QRFPR: variants seen among roughly 807,000 people sequenced by gnomAD.
QRFPR encodes the protein pyroglutamylated RF-amide peptide receptor.
In QRFPR, 37 loss-of-function variants were observed where a neutral mutation model predicts 31.3. The ratio of observed to expected loss-of-function variants is 1.18; its 90% CI spans 0.91 to 1.56. The LOEUF is 1.56. Among genes scored for constraint, QRFPR ranks in the 40% most tolerant of loss-of-function variants. The pLI, the probability that QRFPR is intolerant of heterozygous loss-of-function variation, is 0.00. For synonymous variants in QRFPR, 197 were observed against 192.0 expected (o/e 1.03, Z -0.22); for missense variants, 542 against 532.5 (o/e 1.02, Z -0.18).
At chr4:121,336,529 G>A (rs1468067905) in intron 3 of QRFPR, among the ~76,000 whole-genome samples, 1 of 152,190 alleles carries the variant, frequency 6.6e-6, no homozygotes, top group Non-Finnish European at 1.5e-5. Context: ...ACTGGGAAAA[G>A]CATACTCAGC....
chr4:121,344,973 C>T (rs1365610707), intron 1 of QRFPR, among the ~76,000 whole-genome samples: 1 of 152,244 alleles, frequency 6.6e-6, no homozygotes, highest in African/African-American at 2.4e-5. Flanking sequence ...GGATATCCTT[C>T]TCTTTTTTCC....
chr4:121,366,372 C>T (rs1475145432), intron 1 of QRFPR, among the ~76,000 whole-genome samples: 1 of 149,874 alleles, frequency 6.7e-6, no homozygotes, highest in Non-Finnish European at 1.5e-5. Flanking sequence ...AATCTGTTTC[C>T]CTATTCTTTG....
intron 1 of QRFPR, 122 bp downstream of exon 1, chr4:121,380,186 G>GGAGAGAGAGAGAGAGGGAGA: frequency 8.5e-6 from 2 of 234,842 alleles, no homozygotes; most frequent in Non-Finnish European, 7.4e-6. Context: ...AGACGAGAGA[G>GGAGAGAGAGAGAGAGGGAGA]GAGAGAGAGA....
chr4:121,370,472 A>G (rs7678003), intron 1 of QRFPR: 88,820 of 487,380 alleles, frequency 0.18, 9,402 homozygotes, highest in Non-Finnish European at 0.24. Context: ...AATTAGCAAA[A>G]CTTCCCAGGA....
intron 2 of QRFPR, among the ~76,000 whole-genome samples, chr4:121,337,190 T>C (rs1247971609): frequency 6.6e-6 from 1 of 152,220 alleles, no homozygotes; most frequent in Non-Finnish European, 1.5e-5. Flanking sequence ...TCCATGCTCT[T>C]CACACCGCAG....
At chr4:121,376,941 C>A (rs1726365583) in intron 1 of QRFPR, among the ~76,000 whole-genome samples, 1 of 147,092 alleles carries the variant, frequency 6.8e-6, no homozygotes, top group Non-Finnish European at 1.5e-5. Flanking sequence ...CAGGTTTTGA[C>A]TCAATAGGTG....
chr4:121,340,626 A>G lies in QRFPR; in HGVS notation c.341-16T>C, dbSNP rs970500347. 6.2e-7 allele frequency: 1 copy of G among 1,607,784 alleles called. No homozygotes were observed. Among genetic ancestry groups the G allele is most frequent in the African/African-American group, 1.3e-5 (1 of 74,678 alleles). ...ATGAAAGCACCTGCAGTAAGGAAAT[A>G]GGACAAATCATACATCAAAACAAAA... On this transcript the variant is annotated splice_polypyrimidine_tract_variant and intron_variant, in intron 1 of 5. Transcript: ENST00000394427.
chr4:121,363,644 A>G (rs1175304777), intron 1 of QRFPR, among the ~76,000 whole-genome samples: 1 of 150,316 alleles, frequency 6.7e-6, no homozygotes, highest in East Asian at 2.0e-4. Flanking sequence ...TATATAGAAA[A>G]GCCATATGGT....
rs1726451294 is a variant in QRFPR at position 121,380,196 on chromosome 4, AG to A, written c.340+111del. 26 of 120,772 alleles carry A rather than the reference AG, an allele frequency of 2.2e-4. No homozygotes were observed. The South Asian group carries it at 3.1e-3, about 15-fold the overall frequency. The allele number at this position is 120,772 out of a possible 1,614,324, so 7.5% of individuals were successfully genotyped here. On this transcript the variant is annotated intron_variant, in intron 1 of 5. Coordinates refer to ENST00000394427, the MANE Select transcript of QRFPR (RefSeq NM_198179.3). ...CAGACAGACGAGAGAGGAGAGAGAGAGAGAGAGAGAGAGAGAGAGAGAGAGA... is the reference window on the plus strand; with the variant it reads ...CAGACAGACGAGAGAGGAGAGAGAGAAGAGAGAGAGAGAGAGAGAGAGAGA...
chr4:121,337,905 C>T (rs181448880), intron 2 of QRFPR, among the ~76,000 whole-genome samples: 7 of 152,262 alleles, frequency 4.6e-5, no homozygotes, highest in Non-Finnish European at 8.8e-5. Flanking sequence ...TGGAAGAGGA[C>T]GGAACCAAGG....
In QRFPR at chr4:121,329,184, T is replaced by A. The variant is rs1244997787; in HGVS notation, c.*130A>T. 5.4e-6 allele frequency: 4 copies of A among 738,060 alleles called. No individual in the cohort carries two copies. The highest frequency in any genetic ancestry group is 6.3e-6 in the Non-Finnish European group (3 of 474,656). The allele number at this position is 738,060 out of a possible 1,614,324, so 45.7% of individuals were successfully genotyped here. A position where few individuals can be genotyped will look rare whatever the true frequency, so the allele number is the denominator to read the frequency against. The stretch of plus-strand genomic sequence containing the variant: ...CTTGGACTAGCCTCGTGTCATTTTT[T>A]AATGGAAACATGATTTGTTTTCTTC... On this transcript the variant is annotated 3_prime_UTR_variant, in exon 6 of 6. Coordinates refer to ENST00000394427, the MANE Select transcript of QRFPR (RefSeq NM_198179.3).
At chr4:121,347,392 G>T (rs945485771) in intron 1 of QRFPR, among the ~76,000 whole-genome samples, 5 of 151,988 alleles carry the variant, frequency 3.3e-5, no homozygotes, top group African/African-American at 1.2e-4. Flanking sequence ...GATTTCAGAT[G>T]ATAGATATAG....
chr4:121,343,873 A>G (rs188067150), intron 1 of QRFPR, among the ~76,000 whole-genome samples: 1 of 152,272 alleles, frequency 6.6e-6, no homozygotes, highest in African/African-American at 2.4e-5. Context: ...AGCACAGGGT[A>G]TCTGTCAATT....
intron 1 of QRFPR, among the ~76,000 whole-genome samples, chr4:121,358,745 A>T (rs577896547): frequency 6.6e-6 from 1 of 152,282 alleles, no homozygotes; most frequent in South Asian, 2.1e-4. Context: ...TATTTATGAC[A>T]TAAGCTTGCC....
intron 1 of QRFPR, among the ~76,000 whole-genome samples, chr4:121,351,599 TTTA>T (rs1174940158): frequency 6.6e-6 from 1 of 152,076 alleles, no homozygotes; most frequent in African/African-American, 2.4e-5. Context: ...TTTCATTATG[TTTA>T]TAATGTTAAA....
chr4:121,365,619 TATTA>T, intron 1 of QRFPR, among the ~76,000 whole-genome samples: 1 of 11,250 alleles, frequency 8.9e-5, no homozygotes, highest in South Asian at 3.2e-3. Flanking sequence ...ATATTATATA[TATTA>T]TATATTATAT....
chr4:121,361,351 T>A (rs1725988373), intron 1 of QRFPR, among the ~76,000 whole-genome samples: 1 of 150,078 alleles, frequency 6.7e-6, no homozygotes, highest in African/African-American at 2.5e-5. Flanking sequence ...GAAGTTAAGC[T>A]TTACTAGCAT....
intron 1 of QRFPR, among the ~76,000 whole-genome samples, chr4:121,359,645 G>GTA (rs34785724): frequency 1.3e-5 from 2 of 150,768 alleles, no homozygotes; most frequent in Non-Finnish European, 3.0e-5. Context: ...GTGTGTGTGT[G>GTA]TATATATATG....
chr4:121,338,684 C>T (rs573067231), intron 2 of QRFPR, among the ~76,000 whole-genome samples: 1 of 152,280 alleles, frequency 6.6e-6, no homozygotes, highest in Non-Finnish European at 1.5e-5. Flanking sequence ...CAAACACTGA[C>T]TGACAAGGCT....
Sources: allele counts gnomAD v4.1 joint callset (sites outside exome capture counted in the v4.1 genomes callset), GRCh38; gene constraint gnomAD v4.1.1; transcripts MANE v1.5; gene names NCBI Gene and HGNC (gene_info 2026-07-23, HGNC 2026-07-21).